The following SLC39A11 variants were observed in gnomAD, a reference collection of about 807,000 sequenced individuals.
SLC39A11 encodes zinc transporter ZIP11.
SLC39A11 carries 33 observed loss-of-function variants against 36.1 expected under a neutral mutation model. The observed-to-expected ratio is 0.91, with a 90% CI of 0.69 to 1.22. The LOEUF (loss-of-function observed/expected upper bound fraction) is 1.22, where lower values mean the gene tolerates loss of function less well. Among genes scored for constraint, SLC39A11 ranks in the 50% most tolerant of loss-of-function variants. The probability of loss-of-function intolerance (pLI) is 0.00; values close to 1 mark genes in which losing one functional copy is unlikely to be tolerated. For synonymous variants in SLC39A11, 166 were observed against 170.3 expected, an observed-to-expected ratio of 0.97 and a Z score of 0.20; for missense variants, 432 against 430.3, an observed-to-expected ratio of 1.00 and a Z score of -0.03.
intron 3 of SLC39A11, among the ~76,000 whole-genome samples, chr17:73,050,892 T>A (rs2059474998): frequency 1.3e-5 from 2 of 151,936 alleles, no homozygotes; most frequent in Admixed American, 6.6e-5. Flanking sequence ...TCAGTGCAGG[T>A]GAGGAAAGAT....
chr17:72,795,654 G>A (rs2076872428), intron 6 of SLC39A11, among the ~76,000 whole-genome samples: 1 of 152,068 alleles, frequency 6.6e-6, no homozygotes, highest in Non-Finnish European at 1.5e-5. Flanking sequence ...ACAGATTTCT[G>A]GACATATTAT....
At chr17:73,063,297 C>CTCA (rs3037591) in intron 3 of SLC39A11, among the ~76,000 whole-genome samples, 13,524 of 152,166 alleles carry the variant, frequency 0.089, 876 homozygotes, top group East Asian at 0.22. Flanking sequence ...CAGATCCATT[C>CTCA]TCACTGGGAT....
At chr17:72,659,533 C>T (rs2070310167) in intron 7 of SLC39A11, among the ~76,000 whole-genome samples, 1 of 149,124 alleles carries the variant, frequency 6.7e-6, no homozygotes, top group Admixed American at 6.7e-5. Context: ...AACATGCATT[C>T]GAGCCAAGGC....
chr17:72,786,976 C>A (rs1196737670), intron 6 of SLC39A11, among the ~76,000 whole-genome samples: 2 of 152,030 alleles, frequency 1.3e-5, no homozygotes, highest in African/African-American at 4.8e-5. Flanking sequence ...CCCGCTGCCA[C>A]GCCCAGCTAA....
At chr17:72,723,647 G>A (rs2073800764) in intron 7 of SLC39A11, among the ~76,000 whole-genome samples, 5 of 152,186 alleles carry the variant, frequency 3.3e-5, no homozygotes, top group Admixed American at 3.3e-4. Flanking sequence ...GACTTCCGTT[G>A]AATAATGTTA....
At chr17:73,082,596 T>A (rs1429705460) in intron 3 of SLC39A11, among the ~76,000 whole-genome samples, 1 of 152,196 alleles carries the variant, frequency 6.6e-6, no homozygotes, top group Admixed American at 6.5e-5. Context: ...TTCTGTTCTT[T>A]GTACTATTTT....
chr17:72,677,540 C>T (rs1277524766), intron 7 of SLC39A11, among the ~76,000 whole-genome samples: 6 of 151,994 alleles, frequency 3.9e-5, no homozygotes, highest in Middle Eastern at 3.2e-3. Flanking sequence ...CCGGAAGTGA[C>T]GCGGCCATCT....
intron 5 of SLC39A11, among the ~76,000 whole-genome samples, chr17:72,928,706 T>C (rs576570356): frequency 2.6e-5 from 4 of 152,314 alleles, no homozygotes; most frequent in Non-Finnish European, 5.9e-5. Context: ...TGAACCTCCC[T>C]GGCCGTACCT....
At chr17:72,655,603 C>T (rs1057476142) in intron 7 of SLC39A11, among the ~76,000 whole-genome samples, 1 of 152,302 alleles carries the variant, frequency 6.6e-6, no homozygotes, top group Admixed American at 6.5e-5. Context: ...CTCCCAGGAG[C>T]CCCTTCCCTG....
intron 4 of SLC39A11, among the ~76,000 whole-genome samples, chr17:72,948,279 C>CCAAA (rs1268070307): frequency 1.4e-5 from 2 of 145,864 alleles, no homozygotes; most frequent in Admixed American, 1.4e-4. Context: ...CGCACACATA[C>CCAAA]CAAACCCCAC....
chr17:72,806,720 T>G (rs2077269133), intron 6 of SLC39A11, among the ~76,000 whole-genome samples: 1 of 152,130 alleles, frequency 6.6e-6, no homozygotes, highest in Non-Finnish European at 1.5e-5. Flanking sequence ...GTAGCTGGGA[T>G]TACAGGCGCC....
chr17:72,890,269 A>AAAC (rs1039212218), intron 5 of SLC39A11, among the ~76,000 whole-genome samples: 1 of 134,944 alleles, frequency 7.4e-6, no homozygotes, highest in Non-Finnish European at 1.6e-5. Context: ...CATCTCAAAC[A>AAAC]AACAACAACA....
intron 3 of SLC39A11, among the ~76,000 whole-genome samples, chr17:73,032,363 C>T (rs553396366): frequency 3.3e-5 from 5 of 152,022 alleles, no homozygotes; most frequent in East Asian, 3.9e-4. Flanking sequence ...TGTGCCACCA[C>T]AGCCAGCTAA....
chr17:72,716,255 T>A (rs1391711854), intron 7 of SLC39A11, among the ~76,000 whole-genome samples: 2 of 151,976 alleles, frequency 1.3e-5, no homozygotes, highest in African/African-American at 4.8e-5. Flanking sequence ...ACCTATCTGA[T>A]GGAATTACAC....
At chr17:72,980,536 T>G (rs2088221606) in intron 4 of SLC39A11, among the ~76,000 whole-genome samples, 1 of 152,164 alleles carries the variant, frequency 6.6e-6, no homozygotes, top group Non-Finnish European at 1.5e-5. Flanking sequence ...ACGATGTTCT[T>G]GAAATTCGCA....
Position 73,039,543 on chromosome 17 carries a change from G to C in SLC39A11, c.148-7829C>G, listed in dbSNP as rs148271867. On this transcript the variant is annotated intron_variant, in intron 3 of 9. Transcript: ENST00000255559. ...TGGAGAAATGAGAACGCATGATCAGGAAGTGATTCAACACCCATTTTTTGG... is the reference window on the plus strand; with the variant it reads ...TGGAGAAATGAGAACGCATGATCAGCAAGTGATTCAACACCCATTTTTTGG... 2.9e-3 allele frequency among the ~76,000 whole-genome samples: 434 copies of C among 152,246 alleles called. 3 individuals are homozygous for C. Among genetic ancestry groups the C allele is most frequent in the African/African-American group, 1.0e-2 (414 of 41,516 alleles).
At chr17:72,773,678 C>CACACACA (rs58841287) in intron 6 of SLC39A11, among the ~76,000 whole-genome samples, 2 of 148,848 alleles carry the variant, frequency 1.3e-5, no homozygotes, top group African/African-American at 2.5e-5. Flanking sequence ...CACACACACA[C>CACACACA]CCAGTATATA....
At chr17:72,970,504 G>T (rs1050721367) in intron 4 of SLC39A11, among the ~76,000 whole-genome samples, 2 of 152,176 alleles carry the variant, frequency 1.3e-5, no homozygotes, top group Admixed American at 6.5e-5. Flanking sequence ...AGAGAGGCAG[G>T]GAAGCAAAGC....
At chr17:72,793,276 T>G (rs1249729248) in intron 6 of SLC39A11, among the ~76,000 whole-genome samples, 4 of 152,068 alleles carry the variant, frequency 2.6e-5, no homozygotes, top group Admixed American at 2.6e-4. Flanking sequence ...GGTCACAGAT[T>G]CCCAGGGTGC....
Sources: allele counts gnomAD v4.1 joint callset (sites outside exome capture counted in the v4.1 genomes callset), GRCh38; gene constraint gnomAD v4.1.1; transcripts MANE v1.5; gene names NCBI Gene and HGNC (gene_info 2026-07-23, HGNC 2026-07-21).